MARK4: variants seen among roughly 807,000 people sequenced by gnomAD.
MARK4 encodes the protein microtubule affinity regulating kinase 4.
In MARK4, 19 loss-of-function variants were observed where a neutral mutation model predicts 81.5. The observed-to-expected ratio is 0.23, with a 90% CI of 0.16 to 0.34. MARK4 has a LOEUF of 0.34. MARK4 is among the 10% of genes least tolerant of loss of function. MARK4 has a pLI of 1.00. For synonymous variants in MARK4, 436 were observed against 439.0 expected (o/e 0.99, Z 0.08); for missense variants, 772 against 1,058.8 (o/e 0.73, Z 3.76).
intron 6 of MARK4, among the ~76,000 whole-genome samples, chr19:45,265,403 G>A (rs1568492392): frequency 6.6e-6 from 1 of 152,084 alleles, no homozygotes; most frequent in South Asian, 2.1e-4. Context: ...TAGGTACTAG[G>A]GCATGCCGGT....
Position 45,271,789 on chromosome 19 carries a change from G to A in MARK4, c.786+81G>A, listed in dbSNP as rs184380253. On this transcript the variant is annotated intron_variant, in intron 8 of 16. Coordinates refer to ENST00000262891, the MANE Select transcript of MARK4 (RefSeq NM_001199867.2). The surrounding 1 kb of genome is among the most constrained non-coding windows in gnomAD (Gnocchi z 4.1). Reference sequence around the variant, plus strand: ...ATCCCCCCCACACCTCCCCTGCAGAGGGCCTCAGTGGTGGGACTGGCCTGA... The same window carrying A: ...ATCCCCCCCACACCTCCCCTGCAGAAGGCCTCAGTGGTGGGACTGGCCTGA... 1 of 1,322,514 alleles carries A rather than the reference G, an allele frequency of 7.6e-7. No individual in the cohort carries two copies. Among genetic ancestry groups the A allele is most frequent in the African/African-American group, 1.5e-5 (1 of 68,462 alleles). 81.9% of individuals were successfully genotyped at this position (1,322,514 alleles called of 1,614,324 possible). A position where few individuals can be genotyped will look rare whatever the true frequency, so the allele number is the denominator to read the frequency against.
At position 45,269,942 on chromosome 19, in the gene MARK4, C is replaced by T. The variant is rs191179542; in HGVS notation, c.550-1530C>T. Among the ~76,000 whole-genome samples the T allele has an allele frequency of 2.8e-4, 42 of 152,256 alleles. 1 individual carries two copies. Among genetic ancestry groups the T allele is most frequent in the African/African-American group, 9.4e-4 (39 of 41,546 alleles). ...AGTTTCAGCTCACGCGATTCCTTGCCTCAGCCTCCCAAGTTGCTGGGATTA... is the reference window on the plus strand; with the variant it reads ...AGTTTCAGCTCACGCGATTCCTTGCTTCAGCCTCCCAAGTTGCTGGGATTA... On this transcript the variant is annotated intron_variant, in intron 7 of 16. Transcript: ENST00000262891.
chr19:45,263,009 C>T, intron 2 of MARK4, 104 bp from the exon 3 acceptor site: 4 of 1,351,810 alleles, frequency 3.0e-6, no homozygotes, highest in Admixed American at 2.0e-5. Context: ...AAGTGATCCT[C>T]CCGCCTTGGT....
chr19:45,260,734 A>T (rs976529748), intron 2 of MARK4, among the ~76,000 whole-genome samples: 8 of 152,120 alleles, frequency 5.3e-5, no homozygotes, highest in African/African-American at 1.7e-4. Flanking sequence ...TAAATAAATT[A>T]AAAATAAAAA....
chr19:45,254,557 C>A (rs1198803169), intron 1 of MARK4, among the ~76,000 whole-genome samples: 1 of 152,256 alleles, frequency 6.6e-6, no homozygotes, highest in Non-Finnish European at 1.5e-5. Context: ...TCTGCTCCAT[C>A]TGCCCTGTGA....
At chr19:45,282,816 T>C (rs1242150302) in intron 12 of MARK4, among the ~76,000 whole-genome samples, 1 of 148,868 alleles carries the variant, frequency 6.7e-6, no homozygotes, top group African/African-American at 2.5e-5. Context: ...AGAGCGAGAC[T>C]CCGCCACCCC....
At chr19:45,270,405 A>G (rs1331752118) in intron 7 of MARK4, among the ~76,000 whole-genome samples, 1 of 152,166 alleles carries the variant, frequency 6.6e-6, no homozygotes, top group Non-Finnish European at 1.5e-5. Flanking sequence ...AGCCCAGTGC[A>G]TGGTAGATAT....
rs1417968510 is a variant in MARK4 at position 45,286,530 on chromosome 19, C to T, written c.1277-917C>T. ...TTTGAGACCAGCCTAGACAACATGG[C>T]GAAATCCTGTCTCTACAAAAAAAAA... On this transcript the variant is annotated intron_variant, in intron 12 of 16. Coordinates refer to ENST00000262891, the MANE Select transcript of MARK4 (RefSeq NM_001199867.2). Among the ~76,000 whole-genome samples the T allele has an allele frequency of 3.3e-5, 5 of 150,908 alleles. No individual in the cohort carries two copies. The East Asian group carries it at 5.9e-4, about 18-fold the overall frequency.
intron 1 of MARK4, among the ~76,000 whole-genome samples, chr19:45,258,536 C>G (rs1019596305): frequency 6.6e-6 from 1 of 151,954 alleles, no homozygotes; most frequent in Non-Finnish European, 1.5e-5. Context: ...CCCGTCTCTA[C>G]TAAAAATACA....
chr19:45,281,856 C>T (rs1429544712), intron 12 of MARK4, among the ~76,000 whole-genome samples: 1 of 152,204 alleles, frequency 6.6e-6, no homozygotes, highest in Non-Finnish European at 1.5e-5. Context: ...TGGAAGAGAG[C>T]TGGGCGGACA....
Position 45,299,845 on chromosome 19 carries a change from G to C in MARK4, c.1912G>C (p.Glu638Gln). 6.2e-7 allele frequency: 1 copy of C among 1,605,948 alleles called. No individual in the cohort carries two copies. The highest frequency in any genetic ancestry group is 8.5e-7 in the Non-Finnish European group (1 of 1,174,676). The change falls in exon 16 of 17, where the codon GAG becomes CAG. Residue 638 changes from glutamate to glutamine, a missense_variant. Glu to Gln is a conservative substitution (Grantham distance 29). Transcript: ENST00000262891. ...CGAACCTGAGAGAATCGGGGGACCTGAGGTCACAAGGTGAGTGCTTGGGCC... is the reference window on the plus strand; with the variant it reads ...CGAACCTGAGAGAATCGGGGGACCTCAGGTCACAAGGTGAGTGCTTGGGCC... ...ADEPERIGGP[E>Q]VTSCHLPWDQ...
rs527292973 is a variant in MARK4, at chr19:45,251,752, C to T, written c.51+113C>T. ...CTACCCTCGTTTCCTGGGCCCGACC[C>T]GGCTCGTCACCTCTCGACCCCTCCC... is the stretch of plus-strand genomic sequence containing the variant. On this transcript the variant is annotated intron_variant, in intron 1 of 16. Transcript: ENST00000262891. The T allele has an allele frequency of 5.3e-3, 5,236 of 994,204 alleles. 26 individuals are homozygous for T. The highest frequency in any genetic ancestry group is 6.3e-3 in the Non-Finnish European group (4,368 of 688,872). The allele number at this position is 994,204 out of a possible 1,614,324, so 61.6% of individuals were successfully genotyped here. A position where few individuals can be genotyped will look rare whatever the true frequency, so the allele number is the denominator to read the frequency against.
intron 2 of MARK4, among the ~76,000 whole-genome samples, chr19:45,261,246 A>T (rs1287691539): frequency 2.0e-5 from 3 of 152,168 alleles, no homozygotes; most frequent in Non-Finnish European, 4.4e-5. Flanking sequence ...TAAGAGCAAA[A>T]CCAGACAAGA....
At chr19:45,270,599 C>T (rs1970513851) in intron 7 of MARK4, among the ~76,000 whole-genome samples, 1 of 151,880 alleles carries the variant, frequency 6.6e-6, no homozygotes. Context: ...AAATACTGTT[C>T]TAGCTTTTCT....
rs769506123 is a variant in MARK4, at chr19:45,299,817, A to C, written c.1884A>C (p.Ala628=). The change falls in exon 16 of 17, where the codon GCA becomes GCC. Residue 628 remains alanine (A), a synonymous_variant. Transcript: ENST00000262891. ...KLTSKLTRRV[A]DEPERIGGPE... ...TCCCCCTCCCCTCCCCTAGGGTCGC[A>C]GACGAACCTGAGAGAATCGGGGGAC... 6.2e-7 allele frequency: 1 copy of C among 1,605,308 alleles called. No homozygotes were observed. The highest frequency in any genetic ancestry group is 8.5e-7 in the Non-Finnish European group (1 of 1,174,144).
In MARK4 at chr19:45,281,908, C is replaced by T. The variant is rs1970679813; in HGVS notation, c.1276+1174C>T. Among the ~76,000 whole-genome samples the T allele has an allele frequency of 2.0e-5, 3 of 152,110 alleles. No homozygotes were observed. The South Asian group carries it at 6.2e-4, about 32-fold the overall frequency. ...ATTCTGCAACTGACAGACATCTCAT[C>T]TGCTGCAGAAAATGAATACAGAGTC... is the stretch of plus-strand genomic sequence containing the variant. On this transcript the variant is annotated intron_variant, in intron 12 of 16. Coordinates refer to ENST00000262891, the MANE Select transcript of MARK4 (RefSeq NM_001199867.2).
chr19:45,292,452 T>G (rs1462572823), intron 13 of MARK4, among the ~76,000 whole-genome samples: 1 of 152,222 alleles, frequency 6.6e-6, no homozygotes, highest in Non-Finnish European at 1.5e-5. Context: ...TGTGAGGATC[T>G]TGTAAGATCT....
chr19:45,266,202 C>A (rs1274717681), intron 6 of MARK4, 23 bp from the exon 7 acceptor site: 1 of 1,613,536 alleles, frequency 6.2e-7, no homozygotes, highest in Non-Finnish European at 8.5e-7. Context: ...CCACAAATAA[C>A]CAACCTTCCC....
In MARK4 at chr19:45,251,609, G is replaced by C. The variant is rs760889100; in HGVS notation, c.21G>C (p.Leu7=). The C allele has an allele frequency of 6.7e-7, 1 of 1,491,612 alleles. No homozygotes were observed. Among genetic ancestry groups the C allele is most frequent in the South Asian group, 1.3e-5 (1 of 75,384 alleles). The allele number at this position is 1,491,612 out of a possible 1,614,324, so 92.4% of individuals were successfully genotyped here. The change falls in exon 1 of 17, where the codon CTG becomes CTC. Residue 7 remains leucine, a synonymous_variant. Coordinates refer to ENST00000262891, the MANE Select transcript of MARK4 (RefSeq NM_001199867.2). MSSRTV[L]APGNDRNSDT... ...AGAAGATGTCTTCGCGGACGGTGCT[G>C]GCCCCGGGCAACGATCGGAACTCGG...
Sources: allele counts gnomAD v4.1 joint callset (sites outside exome capture counted in the v4.1 genomes callset), GRCh38; gene constraint gnomAD v4.1.1; non-coding constraint Gnocchi (gnomAD v3.1); transcripts MANE v1.5; gene names NCBI Gene and HGNC (gene_info 2026-07-23, HGNC 2026-07-21).